The following SYNPR variants were observed in gnomAD, a reference collection of about 807,000 sequenced individuals.
SYNPR encodes the protein synaptoporin.
In SYNPR, 23 loss-of-function variants were observed where a neutral mutation model predicts 32.9. That is an observed-to-expected ratio of 0.70 (90% CI 0.50 to 0.99). SYNPR has a LOEUF of 0.99. Ranked by LOEUF, SYNPR falls within the 50% of genes least tolerant of loss-of-function variation. SYNPR has a pLI of 0.00. For synonymous variants in SYNPR, 146 were observed against 135.9 expected (o/e 1.07, Z -0.52); for missense variants, 318 against 349.3 (o/e 0.91, Z 0.71).
intron 2 of SYNPR, among the ~76,000 whole-genome samples, chr3:63,259,300 T>A (rs1483102681): frequency 6.6e-6 from 1 of 152,174 alleles, no homozygotes; most frequent in Non-Finnish European, 1.5e-5. Context: ...ATATCCCTGA[T>A]GAACATCGAT....
intron 4 of SYNPR, among the ~76,000 whole-genome samples, chr3:63,573,948 T>C (rs757412975): frequency 1.8e-4 from 28 of 152,286 alleles, no homozygotes; most frequent in Non-Finnish European, 3.1e-4. Context: ...CACTGGTGGG[T>C]AAAAGCCATT....
chr3:63,442,804 G>A (rs144426146), intron 2 of SYNPR, among the ~76,000 whole-genome samples: 4 of 152,228 alleles, frequency 2.6e-5, no homozygotes, highest in South Asian at 2.1e-4. Context: ...GACAGTGTAC[G>A]AGTTTCCCAA....
intron 2 of SYNPR, among the ~76,000 whole-genome samples, chr3:63,253,400 G>A (rs144271646): frequency 2.0e-5 from 3 of 152,180 alleles, no homozygotes; most frequent in Admixed American, 1.3e-4. Flanking sequence ...AGCATCATTT[G>A]GACAACTGCA....
intron 2 of SYNPR, among the ~76,000 whole-genome samples, chr3:63,408,529 A>T (rs1445844768): frequency 6.6e-6 from 1 of 152,168 alleles, no homozygotes; most frequent in Non-Finnish European, 1.5e-5. Flanking sequence ...ACGAGAGCTG[A>T]TAGTGTAATT....
chr3:63,424,729 G>A (rs1699862707), intron 2 of SYNPR, among the ~76,000 whole-genome samples: 1 of 152,176 alleles, frequency 6.6e-6, no homozygotes, highest in South Asian at 2.1e-4. Flanking sequence ...GATAATATGG[G>A]GCACTTTGGA....
intron 2 of SYNPR, among the ~76,000 whole-genome samples, chr3:63,408,216 GGA>G (rs2088396308): frequency 1.2e-5 from 1 of 81,140 alleles, no homozygotes; most frequent in African/African-American, 5.6e-5. Flanking sequence ...AAGGAAGGAA[GGA>G]AGGAAGGAAG....
intron 3 of SYNPR, among the ~76,000 whole-genome samples, chr3:63,495,322 G>A (rs1701350758): frequency 1.3e-5 from 2 of 152,142 alleles, no homozygotes; most frequent in Admixed American, 6.5e-5. Flanking sequence ...GATTGTGGAG[G>A]GAAGAAGGAG....
At chr3:63,322,946 A>G (rs1159350811) in intron 2 of SYNPR, among the ~76,000 whole-genome samples, 1 of 152,052 alleles carries the variant, frequency 6.6e-6, no homozygotes, top group Non-Finnish European at 1.5e-5. Flanking sequence ...TTCTTAAGGG[A>G]CAGGGAGAGG....
At chr3:63,467,604 T>A (rs1265970781) in intron 2 of SYNPR, among the ~76,000 whole-genome samples, 1 of 152,212 alleles carries the variant, frequency 6.6e-6, no homozygotes, top group East Asian at 1.9e-4. Context: ...CTTGGCACAT[T>A]GCCAGATACA....
At chr3:63,250,147 T>C (rs959081041) in intron 1 of SYNPR, among the ~76,000 whole-genome samples, 3 of 152,102 alleles carry the variant, frequency 2.0e-5, no homozygotes, top group Non-Finnish European at 2.9e-5. Flanking sequence ...TAACCATAAA[T>C]CATTGTATAT....
chr3:63,300,719 C>G (rs2106940986), intron 2 of SYNPR, among the ~76,000 whole-genome samples: 1 of 152,176 alleles, frequency 6.6e-6, no homozygotes, highest in South Asian at 2.1e-4. Flanking sequence ...GGGACCAACT[C>G]TGGTATAATT....
chr3:63,589,173 G>T (rs570192119), intron 4 of SYNPR, among the ~76,000 whole-genome samples: 1 of 152,166 alleles, frequency 6.6e-6, no homozygotes, highest in East Asian at 1.9e-4. Flanking sequence ...ACTGCTTTGA[G>T]AACCATCCAA....
At chr3:63,395,272 A>G (rs572589299) in intron 2 of SYNPR, among the ~76,000 whole-genome samples, 20 of 152,220 alleles carry the variant, frequency 1.3e-4, no homozygotes, top group Non-Finnish European at 2.8e-4. Flanking sequence ...TCTTGCCTCT[A>G]TTGAATTATT....
intron 2 of SYNPR, among the ~76,000 whole-genome samples, chr3:63,259,545 A>C (rs956891025): frequency 6.6e-6 from 1 of 152,200 alleles, no homozygotes; most frequent in African/African-American, 2.4e-5. Context: ...AAAAACTCTC[A>C]ATAAATTAGG....
Position 63,391,315 on chromosome 3 carries a change from A to G in SYNPR, c.85-89517A>G, listed in dbSNP as rs927584789. ...GTGTCTCTGTGACTCTAAGTCTCAT[A>G]TAGCCATTTATTTTGGCTTCCAAAG... On this transcript the variant is annotated intron_variant, in intron 2 of 5. Transcript: ENST00000478300. Among the ~76,000 whole-genome samples the G allele has an allele frequency of 3.9e-5, 6 of 152,218 alleles. No homozygotes were observed. The South Asian group carries it at 1.2e-3, about 32-fold the overall frequency.
chr3:63,490,334 T>C (rs917365551), intron 3 of SYNPR, among the ~76,000 whole-genome samples: 1 of 151,992 alleles, frequency 6.6e-6, no homozygotes, highest in Non-Finnish European at 1.5e-5. Context: ...TAGGGTGCTG[T>C]GGGTTCATAG....
intron 4 of SYNPR, among the ~76,000 whole-genome samples, chr3:63,560,274 C>G (rs1334799532): frequency 6.6e-6 from 1 of 152,174 alleles, no homozygotes; most frequent in African/African-American, 2.4e-5. Context: ...ATAGGAGTCA[C>G]AGAGGCAGAT....
chr3:63,419,098 A>G (rs2088576151), intron 2 of SYNPR, among the ~76,000 whole-genome samples: 1 of 152,182 alleles, frequency 6.6e-6, no homozygotes, highest in African/African-American at 2.4e-5. Flanking sequence ...CTTGTCAAAC[A>G]AACTCTTATT....
chr3:63,314,517 T>C (rs1344875603), intron 2 of SYNPR, among the ~76,000 whole-genome samples: 1 of 151,790 alleles, frequency 6.6e-6, no homozygotes, highest in Non-Finnish European at 1.5e-5. Flanking sequence ...TGGCCATTTG[T>C]ATATCTTCTA....
Sources: allele counts gnomAD v4.1 joint callset (sites outside exome capture counted in the v4.1 genomes callset), GRCh38; gene constraint gnomAD v4.1.1; transcripts MANE v1.5; gene names NCBI Gene and HGNC (gene_info 2026-07-23, HGNC 2026-07-21).